TECPR2: variants seen among roughly 807,000 people sequenced by gnomAD.
The protein encoded by TECPR2 is tectonin beta-propeller repeat containing 2.
A neutral mutation model predicts 138.1 loss-of-function variants in TECPR2; 65 were observed. The ratio of observed to expected loss-of-function variants is 0.47; its 90% CI spans 0.39 to 0.58. The LOEUF (loss-of-function observed/expected upper bound fraction) is 0.58, where lower values mean the gene tolerates loss of function less well. TECPR2 is among the 20% of genes least tolerant of loss of function. The probability of loss-of-function intolerance (pLI) is 0.00; values close to 1 mark genes in which losing one functional copy is unlikely to be tolerated. For missense variants in TECPR2, 1,553 were observed against 1,824.5 expected, an observed-to-expected ratio of 0.85 and a Z score of 2.71; for synonymous variants, 746 against 749.8, an observed-to-expected ratio of 0.99 and a Z score of 0.08.
At chr14:102,453,352 C>T (rs1274757018) in intron 16 of TECPR2, among the ~76,000 whole-genome samples, 2 of 148,772 alleles carry the variant, frequency 1.3e-5, no homozygotes, top group East Asian at 1.9e-4. Flanking sequence ...TGGCAGTGCA[C>T]GCCTGTAGTC....
intron 2 of TECPR2, 104 bp from the exon 3 acceptor site, chr14:102,407,234 C>A: frequency 1.4e-6 from 2 of 1,408,282 alleles, no homozygotes; most frequent in Non-Finnish European, 1.9e-6. Flanking sequence ...TATGTATGGA[C>A]TGCAGCCTGA....
chr14:102,383,369 A>G (rs1887891456), intron 2 of TECPR2, among the ~76,000 whole-genome samples: 1 of 151,300 alleles, frequency 6.6e-6, no homozygotes, highest in Non-Finnish European at 1.5e-5. Context: ...TATAAAGCAC[A>G]TGTGTCTCAT....
rs564078483 is a variant in TECPR2 at position 102,444,551 on chromosome 14, T to C, written c.2933+724T>C. On this transcript the variant is annotated intron_variant, in intron 12 of 19. Transcript: ENST00000359520. The stretch of plus-strand genomic sequence containing the variant: ...CTATTTTTTTTTTTACCATTCAAGA[T>C]GTTAGTTATAGAATTGCCATCAGAT... 3.4e-3 allele frequency among the ~76,000 whole-genome samples: 518 copies of C among 152,164 alleles called. 5 individuals are homozygous for C. The highest frequency in any genetic ancestry group is 0.012 in the African/African-American group (506 of 41,516).
Position 102,435,016 on chromosome 14 carries a change from C to T in TECPR2, c.2199C>T (p.Ala733=), listed in dbSNP as rs761750187. The change falls in exon 9 of 20, where the codon GCC becomes GCT. Residue 733 remains alanine (A), a synonymous_variant. Coordinates refer to ENST00000359520, the MANE Select transcript of TECPR2 (RefSeq NM_014844.5). ...TGACTCCGGTCTCTGCCTTGGCAGC[C>T]AGCACTCACAAGCCCTGGCTTGAGC... ...GQLTPVSALA[A]STHKPWLEQP... is the part of the protein sequence containing the mutation. 104 of 1,613,970 alleles carry T rather than the reference C, an allele frequency of 6.4e-5. 1 individual carries two copies. In the Admixed American group the frequency reaches 1.7e-3, roughly 27 times the overall value.
At position 102,498,135 on chromosome 14, in the gene TECPR2, C is replaced by A. The variant is rs752465043; in HGVS notation, c.4114C>A (p.Pro1372Thr). 1.9e-6 allele frequency: 3 copies of A among 1,613,300 alleles called. No homozygotes were observed. The highest frequency in any genetic ancestry group is 2.5e-6 in the Non-Finnish European group (3 of 1,179,958). Residue 1372 changes from proline to threonine, a missense_variant, in exon 20 of 20, where the codon CCG becomes ACG. Transcript: ENST00000359520. Reference sequence around the variant, plus strand: ...GTCAGATGAGCTGTGGGCTGTGGGCCCGCCCGGCTACCTCCTCCAACGGCT... The same window carrying A: ...GTCAGATGAGCTGTGGGCTGTGGGCACGCCCGGCTACCTCCTCCAACGGCT... ...TASDELWAVG[P>T]PGYLLQRLTK...
intron 6 of TECPR2, among the ~76,000 whole-genome samples, chr14:102,427,043 T>G (rs1484226047): frequency 1.3e-5 from 2 of 152,142 alleles, no homozygotes; most frequent in African/African-American, 4.8e-5. Context: ...GGTTCTGCCT[T>G]TAACCAAGAG....
chr14:102,475,781 C>T (rs1224016591), intron 17 of TECPR2, among the ~76,000 whole-genome samples: 1 of 152,002 alleles, frequency 6.6e-6, no homozygotes, highest in East Asian at 1.9e-4. Flanking sequence ...GGAAGAAATC[C>T]GTCAATAGGA....
intron 2 of TECPR2, among the ~76,000 whole-genome samples, chr14:102,404,632 A>G (rs935504099): frequency 2.8e-4 from 42 of 151,182 alleles, no homozygotes; most frequent in African/African-American, 1.0e-3. Flanking sequence ...GCTGCAGTGC[A>G]ATGGCGTGAT....
Position 102,395,757 on chromosome 14 carries a change from C to T in TECPR2, c.220-11581C>T, listed in dbSNP as rs139259579. ...AGGTTGCAGTGAGCCGAGATCACAC[C>T]GTGGCACTCCGGCCTGGGCGACAGA... On this transcript the variant is annotated intron_variant, in intron 2 of 19. Coordinates refer to ENST00000359520, the MANE Select transcript of TECPR2 (RefSeq NM_014844.5). 1.9e-3 allele frequency among the ~76,000 whole-genome samples: 291 copies of T among 152,298 alleles called. 2 individuals are homozygous for T. Among genetic ancestry groups the T allele is most frequent in the African/African-American group, 6.2e-3 (259 of 41,570 alleles).
intron 10 of TECPR2, 57 bp downstream of exon 10, chr14:102,438,262 C>CGCT: frequency 6.5e-7 from 1 of 1,550,354 alleles, no homozygotes; most frequent in African/African-American, 1.4e-5. Flanking sequence ...CTCCTGCTCC[C>CGCT]CGCCCCCGGG....
intron 1 of TECPR2, among the ~76,000 whole-genome samples, chr14:102,375,886 G>A (rs1887628590): frequency 6.6e-6 from 1 of 152,222 alleles, no homozygotes; most frequent in Non-Finnish European, 1.5e-5. Flanking sequence ...AGTTAGGGAT[G>A]ATGCTACCTG....
At chr14:102,403,961 A>G (rs1158295004) in intron 2 of TECPR2, among the ~76,000 whole-genome samples, 1 of 152,126 alleles carries the variant, frequency 6.6e-6, no homozygotes, top group Non-Finnish European at 1.5e-5. Context: ...GCAGTGGCAC[A>G]ATCACAGCTC....
chr14:102,413,989 A>G (rs945626993), intron 4 of TECPR2, among the ~76,000 whole-genome samples: 3 of 151,572 alleles, frequency 2.0e-5, no homozygotes, highest in African/African-American at 7.3e-5. Context: ...TTGTAGAGAC[A>G]TGATCTCACA....
rs765768957 is a variant in TECPR2 at position 102,428,228 on chromosome 14, T to G, written c.952-22T>G. The G allele has an allele frequency of 1.6e-3, 2,146 of 1,316,408 alleles. 13 individuals are homozygous for G. In the African/African-American group the frequency reaches 0.027, roughly 17 times the overall value. 81.5% of individuals were successfully genotyped at this position (1,316,408 alleles called of 1,614,324 possible). A position where few individuals can be genotyped will look rare whatever the true frequency, so the allele number is the denominator to read the frequency against. On this transcript the variant is annotated intron_variant, in intron 6 of 19. Transcript: ENST00000359520. The stretch of plus-strand genomic sequence containing the variant: ...GTTTAGTTTTGTGTTTTTTGTTTTT[T>G]TTTTTTTTTTTTTTTTGACAGGCCA...
intron 5 of TECPR2, among the ~76,000 whole-genome samples, chr14:102,418,764 TAGG>T (rs1201623898): frequency 6.6e-6 from 1 of 151,992 alleles, no homozygotes; most frequent in Admixed American, 6.6e-5. Flanking sequence ...GTGATCCGGG[TAGG>T]AGAAGACAGG....
intron 10 of TECPR2, 177 bp downstream of exon 10, chr14:102,438,382 C>T (rs1282101550): frequency 7.1e-6 from 5 of 705,832 alleles, no homozygotes; most frequent in African/African-American, 3.6e-5. Context: ...CTCCAAAGAA[C>T]GTGAATTGCT....
At chr14:102,403,481 C>T (rs1322179209) in intron 2 of TECPR2, among the ~76,000 whole-genome samples, 2 of 152,164 alleles carry the variant, frequency 1.3e-5, no homozygotes, top group Admixed American at 1.3e-4. Flanking sequence ...AAAATGCCTG[C>T]TTTTGTCACT....
At chr14:102,497,464 C>A (rs916640511) in intron 18 of TECPR2, 106 bp from the exon 19 acceptor site, 3 of 1,372,700 alleles carry the variant, frequency 2.2e-6, no homozygotes, top group Admixed American at 3.2e-5. Context: ...ACTCCGTCCC[C>A]GCAGGGACCC....
chr14:102,384,203 GC>G (rs958286385), intron 2 of TECPR2, among the ~76,000 whole-genome samples: 1 of 151,954 alleles, frequency 6.6e-6, no homozygotes, highest in Non-Finnish European at 1.5e-5. Context: ...ACGGGTGTGA[GC>G]CACTGCATCC....
Sources: gnomAD v4.1 joint callset for allele counts (sites outside exome capture counted in the v4.1 genomes callset) on GRCh38, gnomAD v4.1.1 for gene constraint, MANE v1.5 for transcripts, NCBI Gene and HGNC (gene_info 2026-07-23, HGNC 2026-07-21) for gene names.